The following DNAAF9 variants were observed in gnomAD, a reference collection of about 807,000 sequenced individuals.
The protein encoded by DNAAF9 is shulin.
Under a neutral mutation model 167.0 loss-of-function variants are expected in DNAAF9, and 90 were observed. That is an observed-to-expected ratio of 0.54 (90% CI 0.45 to 0.64). DNAAF9 has a LOEUF of 0.64. Among genes scored for constraint, DNAAF9 ranks in the 30% least tolerant of loss-of-function variants. The pLI is 0.00. For synonymous variants in DNAAF9, 491 were observed against 508.8 expected (o/e 0.96, Z 0.47); for missense variants, 1,315 against 1,442.2 (o/e 0.91, Z 1.43).
At position 3,284,487 on chromosome 20, in the gene DNAAF9, C is replaced by T. The variant is rs376231469; in HGVS notation, c.2487-2721G>A. On this transcript the variant is annotated intron_variant, in intron 27 of 36. Coordinates refer to ENST00000252032, the MANE Select transcript of DNAAF9 (RefSeq NM_001009984.3). ...GTGAGCCATGGTGGCCAGGCTACAG[C>T]TTGTACCGGACCACTCTGGCTAAAC... Among the ~76,000 whole-genome samples the T allele has an allele frequency of 2.7e-3, 410 of 152,184 alleles. 1 individual carries two copies. Among genetic ancestry groups the T allele is most frequent in the African/African-American group, 9.3e-3 (385 of 41,542 alleles).
At chr20:3,373,717 G>A (rs1342823914) in intron 6 of DNAAF9, among the ~76,000 whole-genome samples, 1 of 152,144 alleles carries the variant, frequency 6.6e-6, no homozygotes, top group Admixed American at 6.5e-5. Context: ...AAGTGGGTGA[G>A]TGTGACAAAT....
At chr20:3,394,949 CTTTTTTTTTTTTTTTTTTT>C (rs10522445) in intron 1 of DNAAF9, among the ~76,000 whole-genome samples, 10 of 102,130 alleles carry the variant, frequency 9.8e-5, no homozygotes, top group Non-Finnish European at 1.5e-4. Flanking sequence ...TTTCTTTTTT[CTTTTTTTTTTTTTTTTTTT>C]TTTTTTTTTT....
intron 29 of DNAAF9, among the ~76,000 whole-genome samples, chr20:3,274,198 A>G (rs1483129048): frequency 6.6e-6 from 1 of 152,096 alleles, no homozygotes; most frequent in Non-Finnish European, 1.5e-5. Flanking sequence ...GCTGCAGTGT[A>G]GTGGTGTGAT....
rs2069929923 is a variant in DNAAF9, at chr20:3,335,838, T to C, written c.982-3477A>G. On this transcript the variant is annotated intron_variant, in intron 10 of 36. Transcript: ENST00000252032. The stretch of plus-strand genomic sequence containing the variant: ...TCTGGCTGTTTTCAAGATTTTTTGT[T>C]TGGGCTGAGCGTGGTGGCTCATGCC... Among the ~76,000 whole-genome samples, 3 of 151,838 alleles carry C rather than the reference T, an allele frequency of 2.0e-5. No homozygotes were observed. The South Asian group carries it at 6.2e-4, about 32-fold the overall frequency.
chr20:3,350,859 T>C (rs746385483), intron 7 of DNAAF9, among the ~76,000 whole-genome samples: 2 of 152,164 alleles, frequency 1.3e-5, no homozygotes, highest in East Asian at 1.9e-4. Flanking sequence ...ACATCAAATA[T>C]GTTTAAATCT....
At chr20:3,324,744 T>A (rs1226704319) in intron 14 of DNAAF9, 148 bp downstream of exon 14, 1 of 620,230 alleles carries the variant, frequency 1.6e-6, no homozygotes. Flanking sequence ...AAGTGAAGGC[T>A]GAATCATGAA....
chr20:3,264,547 C>A (rs758957945), intron 30 of DNAAF9, 23 bp from the exon 31 acceptor site: 1 of 1,189,878 alleles, frequency 8.4e-7, no homozygotes, highest in Non-Finnish European at 1.3e-6. Context: ...ACAGAAAAGA[C>A]CTAGATTAAT....
intron 7 of DNAAF9, among the ~76,000 whole-genome samples, chr20:3,350,148 GACACACAGACAC>G (rs1405412341): frequency 1.2e-4 from 8 of 68,936 alleles, no homozygotes; most frequent in Admixed American, 3.1e-4. Flanking sequence ...CAGACACACA[GACACACAGACAC>G]ACACACACAC....
At chr20:3,383,983 A>C (rs1190229256) in intron 1 of DNAAF9, among the ~76,000 whole-genome samples, 1 of 151,710 alleles carries the variant, frequency 6.6e-6, no homozygotes, top group Non-Finnish European at 1.5e-5. Flanking sequence ...ACTTTTTAGT[A>C]AGAAGGTTTC....
intron 6 of DNAAF9, among the ~76,000 whole-genome samples, chr20:3,364,884 C>T (rs1266109838): frequency 3.3e-5 from 5 of 151,606 alleles, no homozygotes; most frequent in Non-Finnish European, 7.4e-5. Flanking sequence ...CCTCCCTTCC[C>T]CTCCCCTTCC....
intron 9 of DNAAF9, 174 bp from the exon 10 acceptor site, chr20:3,340,813 T>C: frequency 6.5e-6 from 4 of 612,410 alleles, no homozygotes; most frequent in South Asian, 1.8e-5. Context: ...ATGCCAGCTG[T>C]CTCCCTACTG....
At chr20:3,300,414 C>G (rs1252875639) in intron 21 of DNAAF9, among the ~76,000 whole-genome samples, 1 of 151,800 alleles carries the variant, frequency 6.6e-6, no homozygotes, top group Non-Finnish European at 1.5e-5. Flanking sequence ...AATTTATTCC[C>G]TAGTACTTTA....
At chr20:3,337,119 T>G (rs2123100815) in intron 10 of DNAAF9, among the ~76,000 whole-genome samples, 1 of 151,052 alleles carries the variant, frequency 6.6e-6, no homozygotes, top group South Asian at 2.1e-4. Context: ...GACCTCGTGA[T>G]CTGCCCACCT....
intron 25 of DNAAF9, 147 bp from the exon 26 acceptor site, chr20:3,290,364 C>A: frequency 1.6e-6 from 1 of 638,476 alleles, no homozygotes; most frequent in East Asian, 2.7e-5. Flanking sequence ...AGGCCAATGA[C>A]AGAACCTATA....
chr20:3,407,138 C>T (rs6139117), intron 1 of DNAAF9, among the ~76,000 whole-genome samples: 30,820 of 151,952 alleles, frequency 0.2, 3,571 homozygotes, highest in African/African-American at 0.29. Context: ...TAGAAGAATC[C>T]TTCCTGGGAG....
chr20:3,316,841 C>G lies in DNAAF9; in HGVS notation c.1469-48G>C, dbSNP rs771310744. 7 of 1,441,090 alleles carry G rather than the reference C, an allele frequency of 4.9e-6. No homozygotes were observed. The Admixed American group carries it at 8.4e-5, about 17-fold the overall frequency. The allele number at this position is 1,441,090 out of a possible 1,614,324, so 89.3% of individuals were successfully genotyped here. On this transcript the variant is annotated intron_variant, in intron 17 of 36. Transcript: ENST00000252032. ...CCAGTTAATTCCCTACCAGCTCAGC[C>G]TGCCTTGCAGGCCCCAGACCCTAAA...
intron 21 of DNAAF9, among the ~76,000 whole-genome samples, chr20:3,301,546 A>G (rs1423720629): frequency 1.3e-5 from 2 of 152,172 alleles, no homozygotes; most frequent in African/African-American, 4.8e-5. Context: ...ATCATACACT[A>G]TCAGTAAACA....
At chr20:3,361,552 GT>G (rs1421129310) in intron 6 of DNAAF9, among the ~76,000 whole-genome samples, 16 of 152,172 alleles carry the variant, frequency 1.1e-4, no homozygotes, top group African/African-American at 3.9e-4. Context: ...CAAAATGACT[GT>G]GTGATGTGTC....
chr20:3,302,882 C>T (rs953103092), intron 21 of DNAAF9, among the ~76,000 whole-genome samples: 14 of 152,116 alleles, frequency 9.2e-5, no homozygotes, highest in Non-Finnish European at 2.1e-4. Context: ...TAAATGGATA[C>T]AGTTAGTTGT....
Sources: allele counts gnomAD v4.1 joint callset (sites outside exome capture counted in the v4.1 genomes callset), GRCh38; gene constraint gnomAD v4.1.1; transcripts MANE v1.5; gene names NCBI Gene and HGNC (gene_info 2026-07-23, HGNC 2026-07-21).